Variants in SLCO1A2 observed in about 807,000 individuals in gnomAD.
SLCO1A2 encodes the protein OATP-1.
In SLCO1A2, 67 loss-of-function variants were observed where a neutral mutation model predicts 69.0. That is an observed-to-expected ratio of 0.97 (90% CI 0.80 to 1.19). SLCO1A2 has a LOEUF of 1.19. SLCO1A2 is among the 50% of genes most tolerant of loss of function. SLCO1A2 has a pLI of 0.00. For missense variants in SLCO1A2, 787 were observed against 793.7 expected (o/e 0.99, Z 0.10); for synonymous variants, 260 against 265.9 (o/e 0.98, Z 0.22).
intron 4 of SLCO1A2, among the ~76,000 whole-genome samples, chr12:21,311,263 C>A (rs1041844453): frequency 6.6e-6 from 1 of 152,100 alleles, no homozygotes; most frequent in Non-Finnish European, 1.5e-5. Context: ...AATCTTGAAC[C>A]CCTCAGGGTT....
At chr12:21,355,223 A>G (rs1938271698) in intron 2 of SLCO1A2, among the ~76,000 whole-genome samples, 1 of 152,164 alleles carries the variant, frequency 6.6e-6, no homozygotes, top group African/African-American at 2.4e-5. Flanking sequence ...TACGACCTTT[A>G]TAGAGTAGAA....
chr12:21,361,395 A>T (rs180817982), intron 2 of SLCO1A2, among the ~76,000 whole-genome samples: 149 of 152,346 alleles, frequency 9.8e-4, no homozygotes, highest in African/African-American at 3.3e-3. Context: ...GGTCACCATG[A>T]TCAGAGACGA....
chr12:21,418,696 G>A (rs550569091), upstream of SLCO1A2, among the ~76,000 whole-genome samples: 407 of 152,160 alleles, frequency 2.7e-3, 1 homozygote, highest in African/African-American at 9.4e-3. Context: ...CTCCAACAAC[G>A]TGTGGGAATT....
At chr12:21,284,003 G>C (rs1945271094) in intron 12 of SLCO1A2, among the ~76,000 whole-genome samples, 1 of 152,142 alleles carries the variant, frequency 6.6e-6, no homozygotes, top group Non-Finnish European at 1.5e-5. Context: ...ACAGTTTGGA[G>C]GTTCCTCAAA....
At chr12:21,316,340 A>C (rs1460747140) in intron 3 of SLCO1A2, among the ~76,000 whole-genome samples, 1 of 152,058 alleles carries the variant, frequency 6.6e-6, no homozygotes, top group African/African-American at 2.4e-5. Flanking sequence ...GTTTCTCTCC[A>C]AACTTCCCAG....
At chr12:21,407,553 C>A (rs1941840590) in intron 1 of SLCO1A2, among the ~76,000 whole-genome samples, 2 of 152,140 alleles carry the variant, frequency 1.3e-5, no homozygotes, top group Admixed American at 6.5e-5. Flanking sequence ...ATAATCCAAG[C>A]ACTTTGGGAG....
intron 2 of SLCO1A2, among the ~76,000 whole-genome samples, chr12:21,361,097 T>C (rs528918417): frequency 5.3e-5 from 8 of 152,114 alleles, no homozygotes; most frequent in Non-Finnish European, 1.0e-4. Context: ...CTCAAGTGGG[T>C]CCCTGACCCC....
upstream of SLCO1A2, among the ~76,000 whole-genome samples, chr12:21,335,645 A>C (rs1031497581): frequency 3.9e-5 from 6 of 152,086 alleles, no homozygotes; most frequent in African/African-American, 1.4e-4. Context: ...CCTTTAAACA[A>C]TATCCATTTA....
chr12:21,395,413 G>T (rs1218867521), exon 1 of SLCO1A2: 1 of 153,424 alleles, frequency 6.5e-6, no homozygotes, highest in Non-Finnish European at 1.4e-5. Flanking sequence ...AGCAGTCTGA[G>T]ATCAAACTGC....
upstream of SLCO1A2, among the ~76,000 whole-genome samples, chr12:21,399,906 C>T (rs1248558658): frequency 6.6e-6 from 1 of 150,860 alleles, no homozygotes; most frequent in African/African-American, 2.4e-5. Context: ...AACGTTAGAC[C>T]TAAAACCATA....
At chr12:21,356,238 C>G (rs891656684) in intron 2 of SLCO1A2, among the ~76,000 whole-genome samples, 2 of 151,656 alleles carry the variant, frequency 1.3e-5, no homozygotes, top group African/African-American at 4.8e-5. Flanking sequence ...ATATATAATT[C>G]TTGAATAAAG....
chr12:21,397,167 G>C (rs1490424829), upstream of SLCO1A2, among the ~76,000 whole-genome samples: 1 of 151,960 alleles, frequency 6.6e-6, no homozygotes, highest in South Asian at 2.1e-4. Context: ...AAAATAAAAG[G>C]ATGGAGGAAG....
At position 21,269,764 on chromosome 12, in the gene SLCO1A2, G is replaced by T; in HGVS notation, c.1797C>A (p.Tyr599Ter). ...CRIYDSTTFR[Y>*]IYLGLPAALR... Reference sequence around the variant, plus strand: ...GTGCTGCCGGCAATCCGAGGTAGATGTATCTATTTTTTTAAAAGTTAAAAC... The same window carrying T: ...GTGCTGCCGGCAATCCGAGGTAGATTTATCTATTTTTTTAAAAGTTAAAAC... The change falls in exon 15 of 15, where the codon TAC becomes TAA. Residue 599 changes from tyrosine to a stop codon, truncating the protein, a stop_gained. Coordinates refer to ENST00000683939, the MANE Select transcript of SLCO1A2 (RefSeq NM_001386879.1). LOFTEE classifies it low-confidence loss of function (END_TRUNC). 6.2e-7 allele frequency: 1 copy of T among 1,604,124 alleles called. No homozygotes were observed. Among genetic ancestry groups the T allele is most frequent in the South Asian group, 1.1e-5 (1 of 89,418 alleles).
Position 21,314,627 on chromosome 12 carries a change from G to A in SLCO1A2, c.257C>T (p.Pro86Leu). Residue 86 changes from proline to leucine, a missense_variant, in exon 4 of 15, where the codon CCT becomes CTT. Pro to Leu is a moderately conservative substitution (Grantham distance 98). Coordinates refer to ENST00000683939, the MANE Select transcript of SLCO1A2 (RefSeq NM_001386879.1). ...CACACATCCAATGCCAATCATTATA[G>A]GTCTATGCAGTTTGGTTCCAAAATA... is the stretch of plus-strand genomic sequence containing the variant. ...VSYFGTKLHR[P>L]IMIGIGCVVM... The A allele has an allele frequency of 6.2e-7, 1 of 1,612,860 alleles. No individual in the cohort carries two copies. The highest frequency in any genetic ancestry group is 8.5e-7 in the Non-Finnish European group (1 of 1,178,900).
Position 21,280,678 on chromosome 12 carries a change from C to CAAAA in SLCO1A2, c.1611-5258_1611-5255dup, listed in dbSNP as rs71444113. Among the ~76,000 whole-genome samples the CAAAA allele has an allele frequency of 2.8e-3, 356 of 129,266 alleles. 3 individuals are homozygous for CAAAA. The highest frequency in any genetic ancestry group is 1.0e-2 in the African/African-American group (333 of 33,346). 84.8% of individuals were successfully genotyped at this position (129,266 alleles called of 152,430 possible). On this transcript the variant is annotated intron_variant, in intron 12 of 14. Transcript: ENST00000683939. ...TCAGCATTGGACAGATCTTCCAGACCAAAAAAAAAAATAAATAAATAAACA... is the reference window on the plus strand; with the variant it reads ...TCAGCATTGGACAGATCTTCCAGACCAAAAAAAAAAAAAAATAAATAAATAAACA...
chr12:21,311,786 C>T (rs112914478), intron 4 of SLCO1A2: 26,926 of 150,960 alleles, frequency 0.18, 2,919 homozygotes, highest in African/African-American at 0.31. Context: ...ATTAACTGGG[C>T]GTGGTGGTAG....
intron 3 of SLCO1A2, among the ~76,000 whole-genome samples, chr12:21,315,763 G>C (rs1950794926): frequency 6.6e-6 from 1 of 152,090 alleles, no homozygotes; most frequent in South Asian, 2.1e-4. Context: ...GCCCATCCGT[G>C]TTACAGGTAG....
At chr12:21,300,037 T>C (rs867676233) in intron 8 of SLCO1A2, among the ~76,000 whole-genome samples, 69 of 143,428 alleles carry the variant, frequency 4.8e-4, no homozygotes, top group Middle Eastern at 3.5e-3. Flanking sequence ...TATGTGTGTA[T>C]ATATATATGT....
intron 2 of SLCO1A2, among the ~76,000 whole-genome samples, chr12:21,362,982 TCAA>T (rs1268809667): frequency 5.9e-5 from 9 of 152,068 alleles, no homozygotes; most frequent in African/African-American, 2.2e-4. Flanking sequence ...ATTAGACAGA[TCAA>T]CAAGACAGAA....
Sources: allele counts gnomAD v4.1 joint callset (sites outside exome capture counted in the v4.1 genomes callset), GRCh38; gene constraint gnomAD v4.1.1; transcripts MANE v1.5; gene names NCBI Gene and HGNC (gene_info 2026-07-23, HGNC 2026-07-21).